Variants in FBXL12 observed in about 807,000 individuals in gnomAD.
FBXL12 encodes F-box and leucine rich repeat protein 12.
A neutral mutation model predicts 24.9 loss-of-function variants in FBXL12; 22 were observed. The ratio of observed to expected loss-of-function variants is 0.88; its 90% CI spans 0.63 to 1.26. The LOEUF (loss-of-function observed/expected upper bound fraction) is 1.26, where lower values mean the gene tolerates loss of function less well. Among genes scored for constraint, FBXL12 ranks in the 50% most tolerant of loss-of-function variants. The probability of loss-of-function intolerance (pLI) is 0.00; values close to 1 mark genes in which losing one functional copy is unlikely to be tolerated. For synonymous variants in FBXL12, 193 were observed against 193.8 expected, an observed-to-expected ratio of 1.00 and a Z score of 0.03; for missense variants, 384 against 434.1, an observed-to-expected ratio of 0.88 and a Z score of 1.03.
rs2145362611 is a variant in FBXL12 at position 9,811,153 on chromosome 19, CAG to C, written c.722_723del (p.Ser241CysfsTer32). 1.2e-6 allele frequency: 2 copies of C among 1,606,530 alleles called. No homozygotes were observed. Among genetic ancestry groups the C allele is most frequent in the East Asian group, 2.2e-5 (1 of 44,648 alleles). On this transcript the variant is annotated frameshift_variant, in exon 3 of 3. Coordinates refer to ENST00000247977, the MANE Select transcript of FBXL12 (RefSeq NM_017703.3). LOFTEE classifies it high-confidence loss of function. The surrounding 1 kb of genome is among the most constrained non-coding windows in gnomAD (Gnocchi z 6.0). Reference sequence around the variant, plus strand: ...CCCTCCAGCACAGCCAGGCCAGGGGCAGAGAGGCCCCTCACGGTCAGCCGGAT... The same window carrying C: ...CCCTCCAGCACAGCCAGGCCAGGGGCAGAGGCCCCTCACGGTCAGCCGGAT... ...RKIRLTVRGL[S>X]APGLAVLEGM...
rs2045717626 is a variant in FBXL12 at position 9,810,541 on chromosome 19, C to T, written c.*355G>A. 3 of 194,258 alleles carry T rather than the reference C, an allele frequency of 1.5e-5. No individual in the cohort carries two copies. The Admixed American group carries it at 1.6e-4, about 10-fold the overall frequency. The allele number at this position is 194,258 out of a possible 1,614,324, so 12.0% of individuals were successfully genotyped here. A position where few individuals can be genotyped will look rare whatever the true frequency, so the allele number is the denominator to read the frequency against. ...CAGGTGCCCCTGAGTCTTAACCCCA[C>T]CCCTTCTTCATCCGTCCTGTTCCTG... On this transcript the variant is annotated 3_prime_UTR_variant, in exon 3 of 3. Coordinates refer to ENST00000247977, the MANE Select transcript of FBXL12 (RefSeq NM_017703.3).
chr19:9,811,435 T>TG lies in FBXL12; in HGVS notation c.441dup (p.Thr148HisfsTer7). The stretch of plus-strand genomic sequence containing the variant: ...ATGCATTCAAGCAGGGGCAGCACGG[T>TG]GGGGTCCTGCTGCTTGTGGAGCCAG... On this transcript the variant is annotated frameshift_variant, in exon 3 of 3. Coordinates refer to ENST00000247977, the MANE Select transcript of FBXL12 (RefSeq NM_017703.3). LOFTEE classifies it high-confidence loss of function. This position sits in a 1 kb window ranked among gnomAD's most constrained non-coding sequence, Gnocchi z 6.0. The TG allele has an allele frequency of 6.2e-7, 1 of 1,613,546 alleles. No homozygotes were observed. The highest frequency in any genetic ancestry group is 8.5e-7 in the Non-Finnish European group (1 of 1,179,960).
Position 9,811,315 on chromosome 19 carries a change from G to A in FBXL12, c.562C>T (p.Arg188Cys), listed in dbSNP as rs746588749. The change falls in exon 3 of 3, where the codon CGT (arginine) becomes TGT (cysteine). Residue 188 changes from arginine to cysteine, a missense_variant. Coordinates refer to ENST00000247977, the MANE Select transcript of FBXL12 (RefSeq NM_017703.3). This position sits in a 1 kb window ranked among gnomAD's most constrained non-coding sequence, Gnocchi z 6.0. ...GCATCCAGCCCTGTCTCGGTCACAC[G>A]GTAGGTACCACCCAGCACCAGCGAG... ...LRSLVLGGTY[R>C]VTETGLDAGL... 6.2e-6 allele frequency: 10 copies of A among 1,608,916 alleles called. No homozygotes were observed. Among genetic ancestry groups the A allele is most frequent in the African/African-American group, 1.3e-5 (1 of 74,932 alleles).
In FBXL12 at chr19:9,818,827, C is replaced by A. The variant is rs1486572000; in HGVS notation, c.-14G>T. On this transcript the variant is annotated 5_prime_UTR_variant, in exon 1 of 3. Coordinates refer to ENST00000247977, the MANE Select transcript of FBXL12 (RefSeq NM_017703.3). Reference sequence around the variant, plus strand: ...CAAAGTCGCCATGATCCCGCCGACACGCACTTCCGCTTCCGGTTAAAGAGA... The same window carrying A: ...CAAAGTCGCCATGATCCCGCCGACAAGCACTTCCGCTTCCGGTTAAAGAGA... The A allele has an allele frequency of 1.3e-6, 2 of 1,546,922 alleles. No homozygotes were observed. The highest frequency in any genetic ancestry group is 2.0e-5 in the Admixed American group (1 of 50,890).
At chr19:9,817,301 G>A (rs2045907094) in intron 2 of FBXL12, among the ~76,000 whole-genome samples, 1 of 152,108 alleles carries the variant, frequency 6.6e-6, no homozygotes, top group Admixed American at 6.6e-5. Context: ...AAATAAATTA[G>A]AAAAAGATAA....
Position 9,818,908 on chromosome 19 carries a change from C to T in FBXL12, c.-95G>A. ...TGACAGGGCGGCGGCCGCGACCTTC[C>T]CGTAGCCGGTCGAGAAATTTGACCT... On this transcript the variant is annotated 5_prime_UTR_variant, in exon 1 of 3. Coordinates refer to ENST00000247977, the MANE Select transcript of FBXL12 (RefSeq NM_017703.3). 8.4e-7 allele frequency: 1 copy of T among 1,191,922 alleles called. No homozygotes were observed. The highest frequency in any genetic ancestry group is 2.2e-4 in the Middle Eastern group (1 of 4,498). 73.8% of individuals were successfully genotyped at this position (1,191,922 alleles called of 1,614,324 possible). A position where few individuals can be genotyped will look rare whatever the true frequency, so the allele number is the denominator to read the frequency against.
Position 9,811,039 on chromosome 19 carries a change from T to G in FBXL12, c.838A>C (p.Thr280Pro). The change falls in exon 3 of 3, where the codon ACT becomes CCT. Residue 280 changes from threonine (T) to proline (P), a missense_variant. Physicochemically the swap from Thr to Pro is conservative, Grantham distance 38. Transcript: ENST00000247977. This position sits in a 1 kb window ranked among gnomAD's most constrained non-coding sequence, Gnocchi z 6.0. Reference protein sequence around the residue: ...SPTEILSSCLTMPKLRVLELQ... With the variant: ...SPTEILSSCLPMPKLRVLELQ... ...TCAAGGACTCTGAGCTTGGGCATAG[T>G]GAGGCAGGAGGAGAGGATTTCAGTG... 5 of 1,613,246 alleles carry G rather than the reference T, an allele frequency of 3.1e-6. No individual in the cohort carries two copies. Among genetic ancestry groups the G allele is most frequent in the Non-Finnish European group, 4.2e-6 (5 of 1,179,608 alleles).
intron 2 of FBXL12, chr19:9,818,144 C>G (rs1267121878): frequency 2.5e-6 from 1 of 401,698 alleles, no homozygotes; most frequent in Non-Finnish European, 4.4e-6. Flanking sequence ...CTTGGGAGGT[C>G]GAGGCTGCAA....
rs950833078 is a variant in FBXL12, at chr19:9,818,716, G to A, written c.86+12C>T. On this transcript the variant is annotated intron_variant, in intron 1 of 2. Transcript: ENST00000247977. ...CTCCGCCCTGCCCTTCCCCCCGGAG[G>A]CGGGGCCGCACCTGGAGATGCGGAT... The A allele has an allele frequency of 8.4e-6, 13 of 1,544,218 alleles. No individual in the cohort carries two copies. The Admixed American group carries it at 2.2e-4, about 26-fold the overall frequency.
intron 2 of FBXL12, 156 bp downstream of exon 2, chr19:9,818,389 G>A: frequency 2.7e-6 from 2 of 743,888 alleles, no homozygotes; most frequent in Non-Finnish European, 4.3e-6. Context: ...AGGTCGAAGA[G>A]GAGCTGGTAA....
chr19:9,810,867 G>A lies in FBXL12; in HGVS notation c.*29C>T, dbSNP rs1414182489. On this transcript the variant is annotated 3_prime_UTR_variant, in exon 3 of 3. Coordinates refer to ENST00000247977, the MANE Select transcript of FBXL12 (RefSeq NM_017703.3). ...GGTCTGGGGCTCAATGATGAAAACT[G>A]GGATGGGTCCCAAGGGCAGGTGGAG... 8.5e-6 allele frequency: 13 copies of A among 1,533,046 alleles called. No individual in the cohort carries two copies. The highest frequency in any genetic ancestry group is 1.2e-5 in the Non-Finnish European group (13 of 1,126,718). The allele number at this position is 1,533,046 out of a possible 1,614,324, so 95.0% of individuals were successfully genotyped here.
chr19:9,811,536 A>G lies in FBXL12; in HGVS notation c.341T>C (p.Leu114Pro), dbSNP rs748808878. ...LKRLCLHVAD[L>P]SMVPITSLPS... is the part of the protein sequence containing the mutation. ...CAGGCTGGTGATGGGCACCATGCTCAGGTCGGCCACGTGCAGGCAGAGGCG... is the reference window on the plus strand; with the variant it reads ...CAGGCTGGTGATGGGCACCATGCTCGGGTCGGCCACGTGCAGGCAGAGGCG... Residue 114 changes from leucine to proline, a missense_variant, in exon 3 of 3, where the codon CTG becomes CCG. By Grantham distance (98) the Leu-to-Pro change is moderately conservative. Transcript: ENST00000247977. The surrounding 1 kb of genome is among the most constrained non-coding windows in gnomAD (Gnocchi z 6.0). 7 of 1,611,004 alleles carry G rather than the reference A, an allele frequency of 4.3e-6. No homozygotes were observed. Among genetic ancestry groups the G allele is most frequent in the South Asian group, 1.1e-5 (1 of 90,858 alleles).
In FBXL12 at chr19:9,818,749, C is replaced by T. The variant is rs928049240; in HGVS notation, c.65G>A (p.Arg22Gln). ...LLEIFSYLPV[R>Q]DRIRISRVCH... ...GCACCTGGAGATGCGGATCCGGTCC[C>T]GTACCGGGAGGTAAGAGAAGATCTC... Residue 22 changes from arginine (R) to glutamine (Q), a missense_variant, in exon 1 of 3, where the codon CGG (arginine) becomes CAG (glutamine). Arg to Gln is a conservative substitution (Grantham distance 43). Coordinates refer to ENST00000247977, the MANE Select transcript of FBXL12 (RefSeq NM_017703.3). 5 of 1,552,182 alleles carry T rather than the reference C, an allele frequency of 3.2e-6. No individual in the cohort carries two copies. The Admixed American group carries it at 7.8e-5, about 24-fold the overall frequency.
chr19:9,812,376 C>T (rs2045773217), intron 2 of FBXL12, among the ~76,000 whole-genome samples: 1 of 151,568 alleles, frequency 6.6e-6, no homozygotes, highest in South Asian at 2.1e-4. Flanking sequence ...ACTAAAAATA[C>T]AAAAATTAGC....
chr19:9,817,389 T>A (rs2045908336), intron 2 of FBXL12, among the ~76,000 whole-genome samples: 1 of 152,172 alleles, frequency 6.6e-6, no homozygotes, highest in Non-Finnish European at 1.5e-5. Flanking sequence ...CCCGTGTGGG[T>A]CAGCAGAAAT....
intron 2 of FBXL12, among the ~76,000 whole-genome samples, chr19:9,815,009 A>G (rs1359817877): frequency 6.6e-6 from 1 of 152,158 alleles, no homozygotes; most frequent in Non-Finnish European, 1.5e-5. Context: ...GTCTTAACTC[A>G]TTTCAGCATT....
At position 9,818,857 on chromosome 19, in the gene FBXL12, A is replaced by C; in HGVS notation, c.-44T>G. 6.6e-7 allele frequency: 1 copy of C among 1,524,984 alleles called. No individual in the cohort carries two copies. Among genetic ancestry groups the C allele is most frequent in the Non-Finnish European group, 8.9e-7 (1 of 1,126,002 alleles). 94.5% of individuals were successfully genotyped at this position (1,524,984 alleles called of 1,614,324 possible). Reference sequence around the variant, plus strand: ...TTCCGCTTCCGGTTAAAGAGACCCGAGGGGTCCTGGGGGCGCCGAGGCGGC... The same window carrying C: ...TTCCGCTTCCGGTTAAAGAGACCCGCGGGGTCCTGGGGGCGCCGAGGCGGC... On this transcript the variant is annotated 5_prime_UTR_variant, in exon 1 of 3. Transcript: ENST00000247977.
chr19:9,816,052 C>T (rs1439048466), intron 2 of FBXL12, among the ~76,000 whole-genome samples: 1 of 152,180 alleles, frequency 6.6e-6, no homozygotes, highest in South Asian at 2.1e-4. Context: ...CCGAGTTATA[C>T]GTTGGCCCCT....
At chr19:9,813,211 G>T (rs938462393) in intron 2 of FBXL12, 1 of 1,226,778 alleles carries the variant, frequency 8.2e-7, no homozygotes, top group Non-Finnish European at 1.0e-6. Flanking sequence ...ATCTTAAAAA[G>T]AAAAAGTTAG....
Sources: gnomAD v4.1 joint callset for allele counts (sites outside exome capture counted in the v4.1 genomes callset) on GRCh38, gnomAD v4.1.1 for gene constraint, Gnocchi (gnomAD v3.1) non-coding constraint, MANE v1.5 for transcripts, NCBI Gene and HGNC (gene_info 2026-07-23, HGNC 2026-07-21) for gene names.